The following VWF variants were observed in gnomAD, a reference collection of about 807,000 sequenced individuals.
VWF encodes the protein von Willebrand factor.
Under a neutral mutation model 308.6 loss-of-function variants are expected in VWF, and 176 were observed. The observed-to-expected ratio is 0.57, with a 90% confidence interval of 0.50 to 0.65. VWF has a LOEUF of 0.65. Among genes scored for constraint, VWF ranks in the 30% least tolerant of loss-of-function variants. The pLI, the probability that VWF is intolerant of heterozygous loss-of-function variation, is 0.00. For synonymous variants in VWF, 1,385 were observed against 1,443.4 expected (o/e 0.96, Z 0.92); for missense variants, 3,146 against 3,648.2 (o/e 0.86, Z 3.55).
Position 6,034,752 on chromosome 12 carries a change from T to C in VWF, c.2621A>G (p.His874Arg), listed in dbSNP as rs1212649640. 1.9e-6 allele frequency: 3 copies of C among 1,614,210 alleles called. No individual in the cohort carries two copies. Among genetic ancestry groups the C allele is most frequent in the South Asian group, 2.2e-5 (2 of 91,086 alleles). The change falls in exon 20 of 52, where the codon CAC becomes CGC. Residue 874 changes from histidine (H) to arginine (R), a missense_variant. By Grantham distance (29) the His-to-Arg change is conservative. Around this residue, in one of 3 missense-constraint regions of VWF, gnomAD observed 1,304 missense variants for 1,353.0 expected, o/e 0.96. Coordinates refer to ENST00000261405, the MANE Select transcript of VWF (RefSeq NM_000552.5). The part of the protein sequence containing the change: ...DATCSTIGMA[H>R]YLTFDGLKYL... ...TTTGAGCCCGTCGAAGGTGAGGTAG[T>C]GGGCCATGCCGATCGTGGAGCACGT...
chr12:6,037,509 G>A (rs910101951), intron 18 of VWF, among the ~76,000 whole-genome samples: 6 of 152,232 alleles, frequency 3.9e-5, no homozygotes, highest in Admixed American at 2.6e-4. Context: ...GTATTCCTCC[G>A]GTCTGTTGGG....
At chr12:5,975,374 C>A (rs1943521998) in intron 43 of VWF, among the ~76,000 whole-genome samples, 1 of 152,158 alleles carries the variant, frequency 6.6e-6, no homozygotes. Flanking sequence ...TCGCATTAAA[C>A]CAGCAAGCAG....
At chr12:5,971,764 C>T in intron 43 of VWF, 55 bp from the exon 44 acceptor site, 2 of 1,461,610 alleles carry the variant, frequency 1.4e-6, no homozygotes, top group Non-Finnish European at 1.9e-6. Context: ...GACACAGGGG[C>T]TCTTACCTAC....
At position 6,071,294 on chromosome 12, in the gene VWF, T is replaced by A; in HGVS notation, c.1156+3A>T. ...GGAAGAGAATGAGCGGCAGGTCGCC[T>A]ACCTGGACATTCTTCATTGCTGCAG... is the stretch of plus-strand genomic sequence containing the variant. On this transcript the variant is annotated splice_donor_region_variant and intron_variant, in intron 10 of 51. Transcript: ENST00000261405. 6.2e-7 allele frequency: 1 copy of A among 1,614,112 alleles called. No homozygotes were observed. Among genetic ancestry groups the A allele is most frequent in the South Asian group, 1.1e-5 (1 of 91,006 alleles).
intron 31 of VWF, among the ~76,000 whole-genome samples, chr12:6,015,442 T>C (rs1172151297): frequency 6.6e-6 from 1 of 151,902 alleles, no homozygotes; most frequent in African/African-American, 2.4e-5. Context: ...TTCTGAAAGA[T>C]GAACAGTTCT....
chr12:6,116,932 A>G (rs893445023), intron 3 of VWF, among the ~76,000 whole-genome samples: 1 of 152,180 alleles, frequency 6.6e-6, no homozygotes, highest in Non-Finnish European at 1.5e-5. Flanking sequence ...ACGGAAACTG[A>G]AACTGCAGGG....
intron 34 of VWF, among the ~76,000 whole-genome samples, chr12:6,004,138 T>C (rs950426412): frequency 6.6e-6 from 1 of 152,178 alleles, no homozygotes; most frequent in Non-Finnish European, 1.5e-5. Flanking sequence ...AAAATTTAAA[T>C]AAGTAGTGTT....
intron 1 of VWF, 124 bp from the exon 2 acceptor site, chr12:6,123,320 C>T (rs1254788425): frequency 3.4e-6 from 4 of 1,161,716 alleles, no homozygotes; most frequent in South Asian, 1.3e-5. Flanking sequence ...GATTGATCCT[C>T]GTGACCCCCT....
Position 6,019,243 on chromosome 12 carries a change from C to T in VWF, c.4175G>A (p.Arg1392Gln), listed in dbSNP as rs1944100808. 2.5e-6 allele frequency: 4 copies of T among 1,613,750 alleles called. No homozygotes were observed. The highest frequency in any genetic ancestry group is 2.2e-5 in the South Asian group (2 of 91,066). Residue 1392 changes from arginine to glutamine, a missense_variant, in exon 28 of 52, where the codon CGG becomes CAG. By Grantham distance (43) the Arg-to-Gln change is conservative. Coordinates refer to ENST00000261405, the MANE Select transcript of VWF (RefSeq NM_000552.5). The surrounding 1 kb of genome is among the most constrained non-coding windows in gnomAD (Gnocchi z 5.8). ...GTAGCGGACAAAGTTCCGGGACATC[C>T]GTTGGGGCTCCTGGCTGGCCATCAG... Reference protein sequence around the residue: ...LLLMASQEPQRMSRNFVRYVQ... With the variant: ...LLLMASQEPQQMSRNFVRYVQ...
chr12:6,065,320 TC>T, intron 10 of VWF, 47 bp from the exon 11 acceptor site: 1 of 1,611,882 alleles, frequency 6.2e-7, no homozygotes, highest in Non-Finnish European at 8.5e-7. Context: ...TGAGGGCACT[TC>T]CCCTGGGGTG....
rs1591859117 is a variant in VWF, at chr12:6,013,762, C to T, written c.5456-117G>A. On this transcript the variant is annotated intron_variant, in intron 31 of 51. Coordinates refer to ENST00000261405, the MANE Select transcript of VWF (RefSeq NM_000552.5). ...TCATGTTTTCCAGGCTGGTCACATA[C>T]ATCAGCCCTATGAGGAAGATGTTCA... The T allele has an allele frequency of 4.3e-6, 5 of 1,150,018 alleles. No individual in the cohort carries two copies. In the East Asian group the frequency reaches 7.1e-5, roughly 16 times the overall value. 71.2% of individuals were successfully genotyped at this position (1,150,018 alleles called of 1,614,324 possible).
At chr12:5,964,222 A>ACATACATACATACATACATACATGCATG (rs1555189774) in intron 47 of VWF, among the ~76,000 whole-genome samples, 1 of 116,676 alleles carries the variant, frequency 8.6e-6, no homozygotes, top group South Asian at 2.7e-4. Flanking sequence ...GTCTAAAAAT[A>ACATACATACATACATACATACATGCATG]CATACATACA....
rs760704953 is a variant in VWF, at chr12:6,029,480, C to T, written c.2829G>A (p.Val943=). The change falls in exon 22 of 52, where the codon GTG becomes GTA. Residue 943 remains valine (V), a synonymous_variant. Coordinates refer to ENST00000261405, the MANE Select transcript of VWF (RefSeq NM_000552.5). The part of the protein sequence containing the change: ...EIELFDGEVN[V]KRPMKDETHF... ...GAGTCTCATCCTTCATGGGCCTCTT[C>T]ACATTCACCTGGAGGAAGACAAAGC... 6.2e-7 allele frequency: 1 copy of T among 1,614,174 alleles called. No homozygotes were observed. The highest frequency in any genetic ancestry group is 1.1e-5 in the South Asian group (1 of 91,082).
intron 38 of VWF, among the ~76,000 whole-genome samples, chr12:5,990,868 TAAAAAAAAAAAAAAAAAAAAAAAA>T (rs755717764): frequency 1.3e-4 from 4 of 31,456 alleles, no homozygotes; most frequent in Non-Finnish European, 2.1e-4. Flanking sequence ...CCCATAGAGC[TAAAAAAAAAAAAAAAAAAAAAAAA>T]AAAAAAAAAA....
chr12:6,078,392 G>A (rs1944868747), intron 6 of VWF, among the ~76,000 whole-genome samples: 1 of 152,172 alleles, frequency 6.6e-6, no homozygotes, highest in African/African-American at 2.4e-5. Flanking sequence ...TGGGGCTCAG[G>A]GAAGGAGACT....
At chr12:6,094,087 T>G (rs1212513421) in intron 6 of VWF, among the ~76,000 whole-genome samples, 1 of 152,144 alleles carries the variant, frequency 6.6e-6, no homozygotes, top group Non-Finnish European at 1.5e-5. Flanking sequence ...GGAATGCCGC[T>G]GCCACCCAAA....
Position 6,036,398 on chromosome 12 carries a change from A to G in VWF, c.2536T>C (p.Cys846Arg). The G allele has an allele frequency of 6.2e-7, 1 of 1,614,198 alleles. No homozygotes were observed. The part of the protein sequence containing the change: ...YAPGETVKIG[C>R]NTCVCQDRKW... ...CTCACTGAGCCTCACCAAGTGTTGC[A>G]GCCAATCTTCACTGTTTCTCCAGGG... The change falls in exon 19 of 52, where the codon TGC (cysteine) becomes CGC (arginine). Residue 846 changes from cysteine (C) to arginine (R), a missense_variant. By Grantham distance (180) the Cys-to-Arg change is radical. Around this residue, in one of 3 missense-constraint regions of VWF, gnomAD observed 1,304 missense variants for 1,353.0 expected, o/e 0.96. Transcript: ENST00000261405.
chr12:6,097,088 G>C (rs1183417442), intron 5 of VWF, among the ~76,000 whole-genome samples: 1 of 152,106 alleles, frequency 6.6e-6, no homozygotes, highest in Non-Finnish European at 1.5e-5. Context: ...TTGAGAGGAA[G>C]AGTTTCTCTT....
Position 6,089,976 on chromosome 12 carries a change from G to A in VWF, c.657+5484C>T, listed in dbSNP as rs928320456. 6.0e-5 allele frequency among the ~76,000 whole-genome samples: 9 copies of A among 150,898 alleles called. No individual in the cohort carries two copies. In the East Asian group the frequency reaches 1.6e-3, roughly 26 times the overall value. ...TCCTCTTTTTTCTTTTTTTTTGTTT[G>A]AGATGGAGTCTCGCTGTGTCACCCA... On this transcript the variant is annotated intron_variant, in intron 6 of 51. Transcript: ENST00000261405.
Sources: gnomAD v4.1 joint callset for allele counts (sites outside exome capture counted in the v4.1 genomes callset) on GRCh38, gnomAD v4.1.1 for gene constraint, gnomAD v4.1.1 regional missense constraint, Gnocchi (gnomAD v3.1) non-coding constraint, MANE v1.5 for transcripts, NCBI Gene and HGNC (gene_info 2026-07-23, HGNC 2026-07-21) for gene names.